The following RNF217 variants were observed in gnomAD, a reference collection of about 807,000 sequenced individuals.
The protein encoded by RNF217 is E3 ubiquitin-protein ligase RNF217.
RNF217 carries 31 observed loss-of-function variants against 57.8 expected under a neutral mutation model. The observed-to-expected ratio is 0.54, with a 90% CI of 0.40 to 0.72. The LOEUF (loss-of-function observed/expected upper bound fraction) is 0.72. Ranked by LOEUF, RNF217 falls within the 30% of genes least tolerant of loss-of-function variation. The pLI is 0.00. For synonymous variants in RNF217, 313 were observed against 294.0 expected, an observed-to-expected ratio of 1.06 and a Z score of -0.66; for missense variants, 696 against 708.3, an observed-to-expected ratio of 0.98 and a Z score of 0.20.
At position 124,963,268 on chromosome 6, in the gene RNF217, G is replaced by T. The variant is rs1340933833; in HGVS notation, c.724G>T (p.Ala242Ser). ...EPFSMPSLLG[A>S]PPYSGLGGVG... ...GTTCTCCATGCCCAGCCTGTTGGGAGCTCCACCCTACTCTGGCCTGGGCGG... is the reference window on the plus strand; with the variant it reads ...GTTCTCCATGCCCAGCCTGTTGGGATCTCCACCCTACTCTGGCCTGGGCGG... Residue 242 changes from alanine to serine, a missense_variant, in exon 1 of 6, where the codon GCT becomes TCT. Coordinates refer to ENST00000521654, the MANE Select transcript of RNF217 (RefSeq NM_001286398.3). 2 of 1,536,064 alleles carry T rather than the reference G, an allele frequency of 1.3e-6. No homozygotes were observed. Among genetic ancestry groups the T allele is most frequent in the Admixed American group, 2.0e-5 (1 of 50,996 alleles).
intron 1 of RNF217, among the ~76,000 whole-genome samples, chr6:125,024,507 C>T (rs977983204): frequency 6.6e-6 from 1 of 151,934 alleles, no homozygotes; most frequent in Non-Finnish European, 1.5e-5. Flanking sequence ...CACCTGAGCT[C>T]AGGAGTTCGA....
intron 3 of RNF217, among the ~76,000 whole-genome samples, chr6:125,059,292 A>C (rs1209598179): frequency 6.6e-6 from 1 of 152,170 alleles, no homozygotes; most frequent in Non-Finnish European, 1.5e-5. Context: ...AGGCAAATTC[A>C]TCCACAGTCA....
chr6:125,059,304 C>T (rs1304657469), intron 3 of RNF217, among the ~76,000 whole-genome samples: 1 of 152,014 alleles, frequency 6.6e-6, no homozygotes, highest in Admixed American at 6.6e-5. Flanking sequence ...CCACAGTCAC[C>T]CATTTTGTTT....
intron 1 of RNF217, among the ~76,000 whole-genome samples, chr6:124,970,016 G>A (rs559528658): frequency 6.6e-6 from 1 of 152,176 alleles, no homozygotes; most frequent in Non-Finnish European, 1.5e-5. Flanking sequence ...GAGTTTCCAG[G>A]AATCGCAAGG....
At chr6:124,994,128 GA>G (rs915504895) in intron 1 of RNF217, among the ~76,000 whole-genome samples, 35 of 150,858 alleles carry the variant, frequency 2.3e-4, no homozygotes, top group South Asian at 6.3e-4. Flanking sequence ...TTAGCCTAGA[GA>G]AAAAAAAATA....
chr6:125,060,871 G>T (rs965104668), intron 3 of RNF217, among the ~76,000 whole-genome samples: 6 of 152,132 alleles, frequency 3.9e-5, no homozygotes, highest in Non-Finnish European at 7.4e-5. Context: ...ACATCTTATT[G>T]TGTGCCCTTG....
In RNF217 at chr6:125,018,076, G is replaced by C. The variant is rs1433811279; in HGVS notation, c.883-27135G>C. On this transcript the variant is annotated intron_variant, in intron 1 of 5. Coordinates refer to ENST00000521654, the MANE Select transcript of RNF217 (RefSeq NM_001286398.3). ...CTAGCTATTCAATAATTTGTGGTAGGGTAACATGGAATTGTTTAAGAAAAG... is the reference window on the plus strand; with the variant it reads ...CTAGCTATTCAATAATTTGTGGTAGCGTAACATGGAATTGTTTAAGAAAAG... 3.9e-5 allele frequency among the ~76,000 whole-genome samples: 6 copies of C among 152,030 alleles called. No homozygotes were observed. The East Asian group carries it at 1.2e-3, about 29-fold the overall frequency.
chr6:124,973,000 A>G (rs758685787), intron 1 of RNF217, among the ~76,000 whole-genome samples: 11 of 152,202 alleles, frequency 7.2e-5, no homozygotes, highest in Admixed American at 1.3e-4. Flanking sequence ...TGTGTGTTAT[A>G]TATACTCTAT....
At chr6:125,081,017 ACCAGCTCT>A (rs1788553835) in intron 4 of RNF217, among the ~76,000 whole-genome samples, 1 of 152,034 alleles carries the variant, frequency 6.6e-6, no homozygotes, top group East Asian at 1.9e-4. Flanking sequence ...TGTAGGACCT[ACCAGCTCT>A]CCATGTTATG....
chr6:124,986,087 T>C (rs1447391685), intron 1 of RNF217, among the ~76,000 whole-genome samples: 1 of 152,180 alleles, frequency 6.6e-6, no homozygotes, highest in South Asian at 2.1e-4. Flanking sequence ...ATTCTAGATA[T>C]GTCACAAAGG....
At chr6:124,970,552 A>G (rs550089785) in intron 1 of RNF217, among the ~76,000 whole-genome samples, 1 of 152,294 alleles carries the variant, frequency 6.6e-6, no homozygotes, top group South Asian at 2.1e-4. Context: ...CCTTTTAGAC[A>G]TTCATGAAGG....
chr6:125,034,424 T>C (rs1582734386), intron 1 of RNF217, among the ~76,000 whole-genome samples: 1 of 152,174 alleles, frequency 6.6e-6, no homozygotes, highest in Non-Finnish European at 1.5e-5. Flanking sequence ...GGCTAGCCAG[T>C]TTTCCCAGCA....
chr6:125,018,568 C>T (rs988944434), intron 1 of RNF217, among the ~76,000 whole-genome samples: 2 of 152,010 alleles, frequency 1.3e-5, no homozygotes, highest in Non-Finnish European at 2.9e-5. Context: ...AACCAGAAAT[C>T]AGATTTATTT....
At chr6:125,040,234 G>C (rs912226384) in intron 1 of RNF217, among the ~76,000 whole-genome samples, 3 of 152,040 alleles carry the variant, frequency 2.0e-5, no homozygotes, top group African/African-American at 4.8e-5. Flanking sequence ...GAATCAAATA[G>C]ACACAATAAA....
intron 1 of RNF217, among the ~76,000 whole-genome samples, chr6:125,016,800 G>A (rs1462278600): frequency 2.0e-5 from 3 of 152,032 alleles, no homozygotes; most frequent in South Asian, 4.2e-4. Flanking sequence ...GGGGGGCAAG[G>A]GGAGGAATAA....
At chr6:124,989,553 A>G (rs1784477247) in intron 1 of RNF217, among the ~76,000 whole-genome samples, 1 of 152,210 alleles carries the variant, frequency 6.6e-6, no homozygotes, top group African/African-American at 2.4e-5. Flanking sequence ...CAGCTCTGCC[A>G]TTGTCACACA....
chr6:124,989,163 T>C (rs1263025643), intron 1 of RNF217, among the ~76,000 whole-genome samples: 1 of 152,212 alleles, frequency 6.6e-6, no homozygotes, highest in East Asian at 1.9e-4. Flanking sequence ...TTTTTTAATT[T>C]ACTATTTTTT....
In RNF217 at chr6:125,062,127, C is replaced by T. The variant is rs185757230; in HGVS notation, c.1281+4021C>T. On this transcript the variant is annotated intron_variant, in intron 3 of 5. Coordinates refer to ENST00000521654, the MANE Select transcript of RNF217 (RefSeq NM_001286398.3). ...TGTACTTACACTGGTGAGTTTTAAA[C>T]GATTATGCCTTTGTTAAATTTGCTA... is the stretch of plus-strand genomic sequence containing the variant. 1.6e-3 allele frequency among the ~76,000 whole-genome samples: 246 copies of T among 152,030 alleles called. 1 individual carries two copies. The highest frequency in any genetic ancestry group is 3.5e-3 in the Admixed American group (54 of 15,272).
At chr6:125,013,372 TG>T (rs1785486613) in intron 1 of RNF217, among the ~76,000 whole-genome samples, 2 of 151,426 alleles carry the variant, frequency 1.3e-5, no homozygotes, top group Non-Finnish European at 2.9e-5. Context: ...TGTGTGTGTG[TG>T]TGTGTGTGTG....
Sources: allele counts gnomAD v4.1 joint callset (sites outside exome capture counted in the v4.1 genomes callset), GRCh38; gene constraint gnomAD v4.1.1; transcripts MANE v1.5; gene names NCBI Gene and HGNC (gene_info 2026-07-23, HGNC 2026-07-21).